Variants in ZFAND6 observed in about 807,000 individuals in gnomAD.
ZFAND6 encodes the protein zinc finger AN1-type containing 6, also known as AN1-type zinc finger protein 6.
ZFAND6 carries 12 observed loss-of-function variants against 24.5 expected under a neutral mutation model. The ratio of observed to expected loss-of-function variants is 0.49; its 90% CI spans 0.31 to 0.79. ZFAND6 has a LOEUF of 0.79. Ranked by LOEUF, ZFAND6 falls within the 30% of genes least tolerant of loss-of-function variation. The probability of loss-of-function intolerance (pLI) is 0.04; values close to 1 mark genes in which losing one functional copy is unlikely to be tolerated. For missense variants in ZFAND6, 207 were observed against 245.9 expected (o/e 0.84, Z 1.06); for synonymous variants, 92 against 81.5 (o/e 1.13, Z -0.69).
chr15:80,104,229 A>C (rs1163647308), intron 2 of ZFAND6, among the ~76,000 whole-genome samples: 1 of 152,194 alleles, frequency 6.6e-6, no homozygotes, highest in Non-Finnish European at 1.5e-5. Context: ...TATTAGAACT[A>C]AATAGCCAGA....
At chr15:80,076,234 C>T (rs2037266791) in intron 1 of ZFAND6, among the ~76,000 whole-genome samples, 1 of 152,002 alleles carries the variant, frequency 6.6e-6, no homozygotes, top group South Asian at 2.1e-4. Flanking sequence ...TACCTGAGAC[C>T]CATATTTATC....
At chr15:80,093,493 C>T (rs996766212) in intron 1 of ZFAND6, among the ~76,000 whole-genome samples, 2 of 151,750 alleles carry the variant, frequency 1.3e-5, no homozygotes, top group Admixed American at 1.3e-4. Context: ...TTTGGGAGGC[C>T]GAGACGGGCG....
At chr15:80,129,008 C>A (rs1228848914) in intron 5 of ZFAND6, among the ~76,000 whole-genome samples, 1 of 151,908 alleles carries the variant, frequency 6.6e-6, no homozygotes, top group African/African-American at 2.4e-5. Flanking sequence ...TTGAATTTTT[C>A]TGGAGAACAG....
chr15:80,110,233 C>T (rs1451444985), intron 2 of ZFAND6, among the ~76,000 whole-genome samples: 1 of 152,086 alleles, frequency 6.6e-6, no homozygotes, highest in Non-Finnish European at 1.5e-5. Context: ...CTGCATGAGG[C>T]CTGACTACCA....
At chr15:80,076,660 G>A (rs2037298672) in intron 1 of ZFAND6, among the ~76,000 whole-genome samples, 1 of 152,174 alleles carries the variant, frequency 6.6e-6, no homozygotes, top group Non-Finnish European at 1.5e-5. Flanking sequence ...AGAAAGGCTA[G>A]CTAATTTGTC....
Position 80,099,618 on chromosome 15 carries a change from C to CTTTTTTTTTTTTT in ZFAND6, c.-18+1044_-18+1056dup, listed in dbSNP as rs3082079. Among the ~76,000 whole-genome samples the CTTTTTTTTTTTTT allele has an allele frequency of 4.6e-5, 5 of 109,194 alleles. 1 individual carries two copies. The highest frequency in any genetic ancestry group is 1.2e-4 in the Admixed American group (1 of 8,130). 71.6% of individuals were successfully genotyped at this position (109,194 alleles called of 152,430 possible). ...AGAATACACACTGAATATGGATATC[C>CTTTTTTTTTTTTT]TTTTTTTTTTTTTTTTCGAGACGGA... On this transcript the variant is annotated intron_variant, in intron 2 of 6. Transcript: ENST00000261749.
intron 1 of ZFAND6, among the ~76,000 whole-genome samples, chr15:80,097,459 C>A (rs2038790659): frequency 6.6e-6 from 1 of 151,978 alleles, no homozygotes; most frequent in Admixed American, 6.6e-5. Flanking sequence ...ACCAGCCCTG[C>A]CGATATGGTG....
At chr15:80,059,665 CAG>C (rs933015047), upstream of ZFAND6, 1 of 152,382 alleles carries the variant, frequency 6.6e-6, no homozygotes, top group African/African-American at 2.4e-5. Context: ...AACAACCAAA[CAG>C]AAAAGTTTAA....
chr15:80,065,695 C>T (rs927263701), intron 1 of ZFAND6, among the ~76,000 whole-genome samples: 5 of 151,620 alleles, frequency 3.3e-5, no homozygotes, highest in African/African-American at 1.2e-4. Context: ...CAGGGGTGTG[C>T]CACCACACCT....
Position 80,107,961 on chromosome 15 carries a change from T to C in ZFAND6, c.-18+9383T>C, listed in dbSNP as rs558549833. Among the ~76,000 whole-genome samples, 80 of 152,120 alleles carry C rather than the reference T, an allele frequency of 5.3e-4. No individual in the cohort carries two copies. In the South Asian group the frequency reaches 0.016, roughly 31 times the overall value. ...CGCTTTGGGAACTACTGATTTAGAG[T>C]GTGGACTCCAGCCAACTGCTTGGGT... is the stretch of plus-strand genomic sequence containing the variant. On this transcript the variant is annotated intron_variant, in intron 2 of 6. Coordinates refer to ENST00000261749, the MANE Select transcript of ZFAND6 (RefSeq NM_019006.4).
At chr15:80,066,898 CAAA>C (rs550502301) in intron 1 of ZFAND6, among the ~76,000 whole-genome samples, 7 of 115,106 alleles carry the variant, frequency 6.1e-5, no homozygotes, top group African/African-American at 1.2e-4. Context: ...CTCCATCTCC[CAAA>C]AAAAAAAAAA....
intron 1 of ZFAND6, among the ~76,000 whole-genome samples, chr15:80,082,960 A>G (rs1041852719): frequency 9.2e-5 from 14 of 152,122 alleles, no homozygotes; most frequent in African/African-American, 3.4e-4. Flanking sequence ...AGCACCTACT[A>G]TGTATCCTAT....
chr15:80,069,651 G>T (rs2036861150), intron 1 of ZFAND6, among the ~76,000 whole-genome samples: 1 of 150,330 alleles, frequency 6.7e-6, no homozygotes, highest in Admixed American at 6.6e-5. Flanking sequence ...TATTTATTTA[G>T]AGACAGAGTC....
At chr15:80,063,594 G>T (rs149979188) in intron 1 of ZFAND6, among the ~76,000 whole-genome samples, 3,280 of 147,026 alleles carry the variant, frequency 0.022, 45 homozygotes, top group Non-Finnish European at 0.032. Context: ...ATCTTACTCT[G>T]TTATACAGGC....
chr15:80,113,603 C>T (rs1482864183), intron 2 of ZFAND6, among the ~76,000 whole-genome samples: 1 of 152,092 alleles, frequency 6.6e-6, no homozygotes, highest in Admixed American at 6.5e-5. Context: ...ATGAATATTG[C>T]AGTGTGAAAC....
At chr15:80,103,167 G>C (rs1256771734) in intron 2 of ZFAND6, among the ~76,000 whole-genome samples, 1 of 152,200 alleles carries the variant, frequency 6.6e-6, no homozygotes, top group Non-Finnish European at 1.5e-5. Flanking sequence ...GCAGTGAATG[G>C]CATGTGTAAC....
At chr15:80,075,290 G>A (rs1038327066) in intron 1 of ZFAND6, 8 of 244,208 alleles carry the variant, frequency 3.3e-5, no homozygotes, top group Non-Finnish European at 5.8e-5. Context: ...AAAATTTAAT[G>A]TTATTGCTAC....
At chr15:80,100,036 T>C (rs1339196053) in intron 2 of ZFAND6, among the ~76,000 whole-genome samples, 1 of 152,202 alleles carries the variant, frequency 6.6e-6, no homozygotes, top group Non-Finnish European at 1.5e-5. Context: ...CATTATTTTC[T>C]TTTCTATATT....
chr15:80,117,616 A>G (rs1013603741), intron 2 of ZFAND6, among the ~76,000 whole-genome samples: 2 of 152,214 alleles, frequency 1.3e-5, no homozygotes, highest in Non-Finnish European at 2.9e-5. Flanking sequence ...TCACAACTCA[A>G]ACAATTGCAC....
Sources: gnomAD v4.1 joint callset for allele counts (sites outside exome capture counted in the v4.1 genomes callset) on GRCh38, gnomAD v4.1.1 for gene constraint, MANE v1.5 for transcripts, NCBI Gene and HGNC (gene_info 2026-07-23, HGNC 2026-07-21) for gene names.